Variants in SETD3 observed in about 807,000 individuals in gnomAD.
SETD3 encodes the protein SET domain containing 3, actin N3(tau)-histidine methyltransferase.
A neutral mutation model predicts 63.0 loss-of-function variants in SETD3; 19 were observed. The observed-to-expected ratio is 0.30, with a 90% CI of 0.21 to 0.44. The LOEUF (loss-of-function observed/expected upper bound fraction) is 0.44, where lower values mean the gene tolerates loss of function less well. SETD3 is among the 20% of genes least tolerant of loss of function. SETD3 has a pLI of 1.00. For synonymous variants in SETD3, 286 were observed against 264.1 expected (o/e 1.08, Z -0.80); for missense variants, 587 against 728.5 (o/e 0.81, Z 2.24).
At chr14:99,459,272 A>C in intron 4 of SETD3, 87 bp from the exon 5 acceptor site, 1 of 859,716 alleles carries the variant, frequency 1.2e-6, no homozygotes, top group South Asian at 1.6e-5. Context: ...ATCCAATCAC[A>C]CATGAAGTAC....
chr14:99,435,315 A>G (rs886260240), intron 6 of SETD3, among the ~76,000 whole-genome samples: 10 of 152,158 alleles, frequency 6.6e-5, no homozygotes, highest in Admixed American at 5.2e-4. Flanking sequence ...TTTCTTGGCA[A>G]TTTCTACCTA....
intron 1 of SETD3, among the ~76,000 whole-genome samples, chr14:99,468,336 G>A (rs749899991): frequency 3.3e-5 from 5 of 151,904 alleles, no homozygotes; most frequent in Non-Finnish European, 7.4e-5. Flanking sequence ...CACTAGTCTC[G>A]TACATCTCCC....
At position 99,413,725 on chromosome 14, in the gene SETD3, C is replaced by T. The variant is rs188127338; in HGVS notation, c.734+151G>A. 4.6e-5 allele frequency: 32 copies of T among 702,330 alleles called. No homozygotes were observed. The African/African-American group carries it at 4.8e-4, about 11-fold the overall frequency. The allele number at this position is 702,330 out of a possible 1,614,324, so 43.5% of individuals were successfully genotyped here. A position where few individuals can be genotyped will look rare whatever the true frequency, so the allele number is the denominator to read the frequency against. Reference sequence around the variant, plus strand: ...AAAATGCTGATACTTATCCAAGCTGCTCCTGATAACTTCTGAAAGATGAGC... The same window carrying T: ...AAAATGCTGATACTTATCCAAGCTGTTCCTGATAACTTCTGAAAGATGAGC... On this transcript the variant is annotated intron_variant, in intron 7 of 12. Transcript: ENST00000331768.
chr14:99,480,258 G>A (rs892513836), intron 1 of SETD3, among the ~76,000 whole-genome samples: 27 of 152,104 alleles, frequency 1.8e-4, no homozygotes, highest in African/African-American at 6.0e-4. Context: ...AGGAAGGAAG[G>A]AAATGGGAGC....
intron 9 of SETD3, among the ~76,000 whole-genome samples, chr14:99,406,129 T>C (rs1891668058): frequency 6.6e-6 from 1 of 152,218 alleles, no homozygotes; most frequent in African/African-American, 2.4e-5. Context: ...CTTTTGCCCC[T>C]TAAATACTCT....
rs114795050 is a variant in SETD3 at position 99,438,838 on chromosome 14, T to C, written c.675+19441A>G. Among the ~76,000 whole-genome samples, 839 of 152,314 alleles carry C rather than the reference T, an allele frequency of 5.5e-3. 8 individuals carry two copies. The highest frequency in any genetic ancestry group is 0.019 in the African/African-American group (800 of 41,542). ...TCTCCCTCTCACCGTGAACAGGCCT[T>C]TCTGTTTCATCTTCTTGCCTTTTAC... is the stretch of plus-strand genomic sequence containing the variant. On this transcript the variant is annotated intron_variant, in intron 6 of 12. Transcript: ENST00000331768.
intron 6 of SETD3, among the ~76,000 whole-genome samples, chr14:99,425,456 G>A (rs1470621788): frequency 1.3e-5 from 2 of 152,384 alleles, no homozygotes; most frequent in East Asian, 1.9e-4. Context: ...AAAGCCCAGC[G>A]CCAGCTCTGA....
intron 9 of SETD3, among the ~76,000 whole-genome samples, chr14:99,406,171 G>A (rs1212283361): frequency 6.6e-6 from 1 of 151,556 alleles, no homozygotes; most frequent in East Asian, 1.9e-4. Flanking sequence ...AAAAATAAAG[G>A]CAACAGTTTA....
chr14:99,450,656 C>A (rs764656096), intron 6 of SETD3, among the ~76,000 whole-genome samples: 1 of 152,144 alleles, frequency 6.6e-6, no homozygotes, highest in Non-Finnish European at 1.5e-5. Flanking sequence ...ATGCTTGCCT[C>A]GAAACAAAAT....
At chr14:99,473,311 G>T (rs1895803778) in intron 1 of SETD3, among the ~76,000 whole-genome samples, 1 of 152,196 alleles carries the variant, frequency 6.6e-6, no homozygotes, top group Non-Finnish European at 1.5e-5. Flanking sequence ...CGGAGGTGGG[G>T]TAAGGGGTGC....
chr14:99,449,486 T>C (rs973392601), intron 6 of SETD3, among the ~76,000 whole-genome samples: 2 of 152,202 alleles, frequency 1.3e-5, no homozygotes, highest in African/African-American at 4.8e-5. Context: ...GTAATTTCAG[T>C]CTACACATGA....
chr14:99,458,569 C>T, intron 5 of SETD3, 34 bp from the exon 6 acceptor site: 1 of 1,580,038 alleles, frequency 6.3e-7, no homozygotes. Flanking sequence ...GCGTAAGTTC[C>T]ACAAACTTCT....
rs752851388 is a variant in SETD3 at position 99,398,924 on chromosome 14, C to T, written c.1540G>A (p.Val514Met). ...ESNLGLLESSVGDSRLPLVLR... is the reference protein window; with the variant it reads ...ESNLGLLESSMGDSRLPLVLR... Reference sequence around the variant, plus strand: ...ACCAGGGGGAGCCTCGAGTCCCCCACGCTGCTCTCCAACAGCCCAAGGTTA... The same window carrying T: ...ACCAGGGGGAGCCTCGAGTCCCCCATGCTGCTCTCCAACAGCCCAAGGTTA... The change falls in exon 13 of 13, where the codon GTG becomes ATG. Residue 514 changes from valine to methionine, a missense_variant. By Grantham distance (21) the Val-to-Met change is conservative. Coordinates refer to ENST00000331768, the MANE Select transcript of SETD3 (RefSeq NM_032233.3). 22 of 1,613,970 alleles carry T rather than the reference C, an allele frequency of 1.4e-5. No homozygotes were observed. Among genetic ancestry groups the T allele is most frequent in the African/African-American group, 2.7e-5 (2 of 74,934 alleles).
At chr14:99,454,712 C>T (rs1894657513) in intron 6 of SETD3, among the ~76,000 whole-genome samples, 2 of 152,094 alleles carry the variant, frequency 1.3e-5, no homozygotes, top group Non-Finnish European at 2.9e-5. Flanking sequence ...CATTAGCCCC[C>T]TTTACAGATA....
Position 99,458,360 on chromosome 14 carries a change from C to A in SETD3, c.594G>T (p.Gln198His), listed in dbSNP as rs774741237. ...YFEEDEVRYL[Q>H]STQAIHDVFS... The stretch of plus-strand genomic sequence containing the variant: ...AGACATCATGTATAGCTTGTGTGGA[C>A]TGAAGATACCGAACTTCATCTTCTT... The change falls in exon 6 of 13, where the codon CAG becomes CAT. Residue 198 changes from glutamine to histidine, a missense_variant. By Grantham distance (24) the Gln-to-His change is conservative (BLOSUM62 0). Transcript: ENST00000331768. 3 of 1,614,154 alleles carry A rather than the reference C, an allele frequency of 1.9e-6. No individual in the cohort carries two copies. Among genetic ancestry groups the A allele is most frequent in the Admixed American group, 1.7e-5 (1 of 60,016 alleles).
At chr14:99,412,545 G>A (rs1892053605) in intron 8 of SETD3, 1 of 157,998 alleles carries the variant, frequency 6.3e-6, no homozygotes, top group Non-Finnish European at 1.4e-5. Flanking sequence ...AAGAAAAGAA[G>A]ACACAAAAGG....
chr14:99,461,061 G>T, intron 4 of SETD3, 131 bp downstream of exon 4: 1 of 1,084,158 alleles, frequency 9.2e-7, no homozygotes, highest in Non-Finnish European at 1.3e-6. Flanking sequence ...GCCCTTCCAG[G>T]CTGCCTATCT....
intron 8 of SETD3, chr14:99,409,966 A>T (rs144252930): frequency 4.9e-6 from 2 of 410,170 alleles, no homozygotes; most frequent in Non-Finnish European, 8.8e-6. Context: ...TGGATCTTCC[A>T]TTCTAATGGG....
intron 8 of SETD3, chr14:99,410,250 C>A (rs1380056487): frequency 1.2e-6 from 2 of 1,613,164 alleles, no homozygotes; most frequent in African/African-American, 2.7e-5. Context: ...GTGAGTCAGA[C>A]CTGTGTGCAC....
Sources: allele counts gnomAD v4.1 joint callset (sites outside exome capture counted in the v4.1 genomes callset), GRCh38; gene constraint gnomAD v4.1.1; transcripts MANE v1.5; gene names NCBI Gene and HGNC (gene_info 2026-07-23, HGNC 2026-07-21).